GABBR2: variants seen among roughly 807,000 people sequenced by gnomAD.
GABBR2 encodes the protein G-protein coupled receptor 51.
A neutral mutation model predicts 105.6 loss-of-function variants in GABBR2; 23 were observed. The observed-to-expected ratio is 0.22, with a 90% confidence interval of 0.16 to 0.31. The LOEUF (loss-of-function observed/expected upper bound fraction) is 0.31, where lower values mean the gene tolerates loss of function less well. Among genes scored for constraint, GABBR2 ranks in the 10% least tolerant of loss-of-function variants. GABBR2 has a pLI of 1.00. For synonymous variants in GABBR2, 478 were observed against 499.7 expected (o/e 0.96, Z 0.58); for missense variants, 734 against 1,245.5 (o/e 0.59, Z 6.18).
rs781403200 is a variant in GABBR2 at position 98,296,468 on chromosome 9, TG to T, written c.2543-2567del. ...GAACAAATCCCAAAAGTGGGATTGC[TG>T]GGTCTGAATGATTTCTGTTTCAACC... On this transcript the variant is annotated intron_variant, in intron 17 of 18. Coordinates refer to ENST00000259455, the MANE Select transcript of GABBR2 (RefSeq NM_005458.8). Among the ~76,000 whole-genome samples, 15 of 152,346 alleles carry T rather than the reference TG, an allele frequency of 9.8e-5. No homozygotes were observed. In the East Asian group the frequency reaches 2.7e-3, roughly 27 times the overall value.
At chr9:98,568,614 C>CT (rs1287764270) in intron 2 of GABBR2, among the ~76,000 whole-genome samples, 3 of 152,156 alleles carry the variant, frequency 2.0e-5, no homozygotes, top group African/African-American at 7.2e-5. Flanking sequence ...CCAGCCAGCA[C>CT]TTTGTCCACC....
At chr9:98,400,134 T>G (rs1832367514) in intron 8 of GABBR2, among the ~76,000 whole-genome samples, 1 of 148,410 alleles carries the variant, frequency 6.7e-6, no homozygotes, top group East Asian at 2.0e-4. Flanking sequence ...CAATGAGCTA[T>G]GATTGTGCCA....
At chr9:98,643,262 C>T (rs550098705) in intron 1 of GABBR2, among the ~76,000 whole-genome samples, 5 of 152,332 alleles carry the variant, frequency 3.3e-5, no homozygotes, top group East Asian at 1.9e-4. Flanking sequence ...CAGCATGCAA[C>T]GGCATAGAGA....
At chr9:98,375,714 T>C (rs969031965) in intron 11 of GABBR2, among the ~76,000 whole-genome samples, 2 of 151,698 alleles carry the variant, frequency 1.3e-5, no homozygotes, top group Non-Finnish European at 2.9e-5. Flanking sequence ...TCCCCATCAC[T>C]CCACATATTC....
At chr9:98,564,774 A>G (rs1030595012) in intron 2 of GABBR2, among the ~76,000 whole-genome samples, 1 of 152,174 alleles carries the variant, frequency 6.6e-6, no homozygotes, top group Admixed American at 6.5e-5. Context: ...TCTGGGCCTG[A>G]AGGAGTTGTT....
rs1407242211 is a variant in GABBR2 at position 98,663,561 on chromosome 9, T to C, written c.321+44856A>G. On this transcript the variant is annotated intron_variant, in intron 1 of 18. Coordinates refer to ENST00000259455, the MANE Select transcript of GABBR2 (RefSeq NM_005458.8). Reference sequence around the variant, plus strand: ...CAGAATGGTGTTCCTCAGGGAAAGATAGATGGGCAGCCAACAAAGGTAGTC... The same window carrying C: ...CAGAATGGTGTTCCTCAGGGAAAGACAGATGGGCAGCCAACAAAGGTAGTC... Among the ~76,000 whole-genome samples the C allele has an allele frequency of 8.7e-5, 13 of 148,876 alleles. 1 individual carries two copies. In the East Asian group the frequency reaches 2.4e-3, roughly 27 times the overall value.
At chr9:98,586,281 TTTC>T (rs916168694) in intron 1 of GABBR2, among the ~76,000 whole-genome samples, 11 of 136,224 alleles carry the variant, frequency 8.1e-5, no homozygotes, top group African/African-American at 3.0e-4. Flanking sequence ...TTCTCTTTTC[TTTC>T]TTTTTTTTTT....
intron 3 of GABBR2, among the ~76,000 whole-genome samples, chr9:98,538,867 GA>G (rs1207388305): frequency 1.3e-5 from 2 of 152,198 alleles, no homozygotes; most frequent in Admixed American, 6.5e-5. Context: ...CAGACATTGA[GA>G]GAGGGATGCC....
chr9:98,647,641 C>T (rs1830042354), intron 1 of GABBR2, among the ~76,000 whole-genome samples: 1 of 152,228 alleles, frequency 6.6e-6, no homozygotes, highest in African/African-American at 2.4e-5. Flanking sequence ...GCTGGATGTA[C>T]CAGTTTTATG....
At chr9:98,535,518 T>G (rs1406841752) in intron 3 of GABBR2, among the ~76,000 whole-genome samples, 1 of 152,004 alleles carries the variant, frequency 6.6e-6, no homozygotes, top group African/African-American at 2.4e-5. Flanking sequence ...TTACACTGTA[T>G]TAGGTATTAA....
intron 1 of GABBR2, among the ~76,000 whole-genome samples, chr9:98,600,378 C>A (rs1014841216): frequency 6.6e-6 from 1 of 152,160 alleles, no homozygotes; most frequent in African/African-American, 2.4e-5. Flanking sequence ...CAAATCCCAA[C>A]CTCCACCTCC....
intron 13 of GABBR2, among the ~76,000 whole-genome samples, chr9:98,335,856 G>T (rs1245621127): frequency 6.6e-6 from 1 of 152,128 alleles, no homozygotes; most frequent in African/African-American, 2.4e-5. Flanking sequence ...ATTCATTCAT[G>T]CACGCATTCC....
At chr9:98,530,616 A>AAAAAT (rs967216794) in intron 3 of GABBR2, among the ~76,000 whole-genome samples, 13 of 152,310 alleles carry the variant, frequency 8.5e-5, no homozygotes, top group Admixed American at 4.6e-4. Flanking sequence ...TGTCTCGACA[A>AAAAAT]AAAATAAAAT....
chr9:98,669,733 T>G (rs181930981), intron 1 of GABBR2, among the ~76,000 whole-genome samples: 1 of 151,978 alleles, frequency 6.6e-6, no homozygotes, highest in Non-Finnish European at 1.5e-5. Context: ...GATTCATCAC[T>G]CCACAAATAC....
At chr9:98,453,318 G>A (rs1361776845) in intron 7 of GABBR2, among the ~76,000 whole-genome samples, 4 of 152,250 alleles carry the variant, frequency 2.6e-5, no homozygotes, top group African/African-American at 9.6e-5. Context: ...GAGCCACCAT[G>A]CCCGGCCTCT....
At chr9:98,666,790 G>A (rs1324224629) in intron 1 of GABBR2, among the ~76,000 whole-genome samples, 1 of 152,190 alleles carries the variant, frequency 6.6e-6, no homozygotes, top group Admixed American at 6.5e-5. Context: ...AATGGTAAAG[G>A]TACCATTAAT....
At chr9:98,578,889 T>A (rs1219095596) in intron 1 of GABBR2, among the ~76,000 whole-genome samples, 1 of 152,214 alleles carries the variant, frequency 6.6e-6, no homozygotes, top group East Asian at 1.9e-4. Flanking sequence ...CCCACTCATA[T>A]GAGGTTATCT....
At chr9:98,331,795 C>T (rs997923389) in intron 13 of GABBR2, among the ~76,000 whole-genome samples, 15 of 152,148 alleles carry the variant, frequency 9.9e-5, no homozygotes, top group African/African-American at 3.6e-4. Context: ...TGAGAAGGCA[C>T]ATGGGAAGTG....
Position 98,473,369 on chromosome 9 carries a change from G to A in GABBR2, c.799-23C>T, listed in dbSNP as rs767948127. 6.6e-6 allele frequency: 10 copies of A among 1,519,238 alleles called. No homozygotes were observed. In the East Asian group the frequency reaches 2.3e-4, roughly 34 times the overall value. The allele number at this position is 1,519,238 out of a possible 1,614,324, so 94.1% of individuals were successfully genotyped here. ...TGCCTGTAAAAGATGGAGTGACTAT[G>A]AGGGCATTGAGAGTCGCACAGTTCA... On this transcript the variant is annotated intron_variant, in intron 5 of 18. Transcript: ENST00000259455.
Sources: gnomAD v4.1 joint callset for allele counts (sites outside exome capture counted in the v4.1 genomes callset) on GRCh38, gnomAD v4.1.1 for gene constraint, MANE v1.5 for transcripts, NCBI Gene and HGNC (gene_info 2026-07-23, HGNC 2026-07-21) for gene names.